The following MPC2 variants were observed in gnomAD, a reference collection of about 807,000 sequenced individuals.
MPC2 encodes mitochondrial pyruvate carrier 2.
In MPC2, 19 loss-of-function variants were observed where a neutral mutation model predicts 19.2. The observed-to-expected ratio is 0.99, with a 90% CI of 0.69 to 1.45. MPC2 has a LOEUF of 1.45. Ranked by LOEUF, MPC2 falls within the 40% of genes most tolerant of loss-of-function variation. MPC2 has a pLI of 0.00. For synonymous variants in MPC2, 61 were observed against 54.3 expected (o/e 1.12, Z -0.54); for missense variants, 122 against 153.0 (o/e 0.80, Z 1.07).
intron 2 of MPC2, among the ~76,000 whole-genome samples, chr1:167,925,654 C>A (rs1422967355): frequency 2.7e-5 from 4 of 149,258 alleles, no homozygotes. Context: ...TCAAGTGATT[C>A]TCTTGCCTTA....
intron 5 of MPC2, among the ~76,000 whole-genome samples, chr1:167,918,768 T>A (rs1410225473): frequency 1.3e-5 from 2 of 151,970 alleles, no homozygotes; most frequent in African/African-American, 2.4e-5. Context: ...TAATTTTTTG[T>A]ATTTTTAGTA....
chr1:167,918,917 C>A (rs926493101), intron 5 of MPC2, among the ~76,000 whole-genome samples: 4 of 152,016 alleles, frequency 2.6e-5, no homozygotes, highest in African/African-American at 9.7e-5. Context: ...AACAGCTTAG[C>A]TGACATATAG....
chr1:167,923,695 C>T (rs1301665547), intron 3 of MPC2, among the ~76,000 whole-genome samples: 1 of 149,738 alleles, frequency 6.7e-6, no homozygotes, highest in African/African-American at 2.5e-5. Flanking sequence ...TGTATTTTAC[C>T]ACATTAAAAA....
intron 2 of MPC2, among the ~76,000 whole-genome samples, chr1:167,928,833 CT>C (rs1322747441): frequency 6.6e-6 from 1 of 152,154 alleles, no homozygotes; most frequent in Non-Finnish European, 1.5e-5. Context: ...AATGAAATAA[CT>C]TGATTAGGTG....
In MPC2 at chr1:167,936,928, C is replaced by T; in HGVS notation, c.-58+11G>A. The T allele has an allele frequency of 5.0e-6, 8 of 1,607,256 alleles. No individual in the cohort carries two copies. The highest frequency in any genetic ancestry group is 6.8e-6 in the Non-Finnish European group (8 of 1,177,878). On this transcript the variant is annotated intron_variant, in intron 1 of 5. Transcript: ENST00000271373. ...GGCAGAGCCATGTCTCGGGGTGGCTCCTACCCACACCTGTTGTGGGACGTG... is the reference window on the plus strand; with the variant it reads ...GGCAGAGCCATGTCTCGGGGTGGCTTCTACCCACACCTGTTGTGGGACGTG...
intron 3 of MPC2, among the ~76,000 whole-genome samples, chr1:167,923,355 C>T (rs1019070143): frequency 6.6e-6 from 1 of 151,996 alleles, no homozygotes; most frequent in Non-Finnish European, 1.5e-5. Context: ...CAATGGAATG[C>T]TATTCAGCAT....
chr1:167,925,722 T>G (rs1164725394), intron 2 of MPC2, among the ~76,000 whole-genome samples: 1 of 151,716 alleles, frequency 6.6e-6, no homozygotes, highest in Non-Finnish European at 1.5e-5. Context: ...AATTTTTTTG[T>G]ATCTTTAATA....
intron 2 of MPC2, among the ~76,000 whole-genome samples, chr1:167,925,480 T>TATACAC (rs1287063918): frequency 7.4e-6 from 1 of 134,898 alleles, no homozygotes; most frequent in African/African-American, 2.8e-5. Flanking sequence ...TATATACATA[T>TATACAC]ACATATACAC....
At chr1:167,920,169 T>C in intron 4 of MPC2, 79 bp from the exon 5 acceptor site, 1 of 870,726 alleles carries the variant, frequency 1.1e-6, no homozygotes, top group South Asian at 1.7e-5. Context: ...TTGAGTAAAG[T>C]AATTACAACA....
intron 2 of MPC2, among the ~76,000 whole-genome samples, chr1:167,931,728 T>C (rs1371810478): frequency 6.6e-6 from 1 of 152,094 alleles, no homozygotes; most frequent in Non-Finnish European, 1.5e-5. Context: ...AATAGAACAA[T>C]ATATATTTGC....
intron 1 of MPC2, chr1:167,936,145 T>A (rs1044731715): frequency 2.9e-6 from 1 of 348,802 alleles, no homozygotes; most frequent in Non-Finnish European, 5.4e-6. Flanking sequence ...AAGTCTGCGC[T>A]GCGCCCTGCT....
chr1:167,919,989 G>T lies in MPC2; in HGVS notation c.337C>A (p.Arg113Ser). 6.2e-7 allele frequency: 1 copy of T among 1,609,720 alleles called. No homozygotes were observed. Among genetic ancestry groups the T allele is most frequent in the Non-Finnish European group, 8.5e-7 (1 of 1,178,246 alleles). ...VGAAGASQLF[R>S]IWRYNQELKA... ...CTCTGGTAGGCTTACCTCCAAATAC[G>T]AAAAAGCTGAGAGGCTCCTGCTGCC... The change falls in exon 5 of 6, where the codon CGT (arginine) becomes AGT (serine). Residue 113 changes from arginine (R) to serine (S), a missense_variant. Arg to Ser is a moderately radical substitution (Grantham distance 110, BLOSUM62 -1). Transcript: ENST00000271373.
intron 1 of MPC2, 78 bp downstream of exon 1, chr1:167,936,861 C>CAACCCA: frequency 6.2e-6 from 9 of 1,442,162 alleles, no homozygotes; most frequent in Non-Finnish European, 8.6e-6. Flanking sequence ...CCTCCCCCTC[C>CAACCCA]TCCCCTCCCC....
chr1:167,925,555 G>GT (rs1366544117), intron 2 of MPC2, among the ~76,000 whole-genome samples: 48 of 49,704 alleles, frequency 9.7e-4, no homozygotes, highest in East Asian at 2.6e-3. Flanking sequence ...GGTTTTTTTT[G>GT]TTTTTTTTTG....
chr1:167,925,461 A>G (rs1165674009), intron 2 of MPC2, among the ~76,000 whole-genome samples: 5 of 114,286 alleles, frequency 4.4e-5, no homozygotes, highest in African/African-American at 2.0e-4. Context: ...ATATATATAT[A>G]TATATATATA....
chr1:167,930,568 C>T (rs1311699997), intron 2 of MPC2, among the ~76,000 whole-genome samples: 1 of 152,070 alleles, frequency 6.6e-6, no homozygotes, highest in Non-Finnish European at 1.5e-5. Context: ...AAGAGAATAC[C>T]AAATTATAGA....
intron 3 of MPC2, among the ~76,000 whole-genome samples, chr1:167,923,126 T>C (rs771473745): frequency 1.3e-5 from 2 of 152,204 alleles, no homozygotes; most frequent in Non-Finnish European, 2.9e-5. Flanking sequence ...TGTAAAATAA[T>C]GTAGTTGCTG....
chr1:167,926,997 A>T (rs1571513591), intron 2 of MPC2, among the ~76,000 whole-genome samples: 1 of 152,290 alleles, frequency 6.6e-6, no homozygotes, highest in East Asian at 1.9e-4. Flanking sequence ...TAAAATGATT[A>T]TTTATGCATC....
chr1:167,926,068 G>A lies in MPC2; in HGVS notation c.110-1531C>T, dbSNP rs537810110. On this transcript the variant is annotated intron_variant, in intron 2 of 5. Coordinates refer to ENST00000271373, the MANE Select transcript of MPC2 (RefSeq NM_001143674.4). ...CTTCAAACACTAGAAAGAAGATCACGGCACAAACCCTGTGGTTCCTTGTGG... is the reference window on the plus strand; with the variant it reads ...CTTCAAACACTAGAAAGAAGATCACAGCACAAACCCTGTGGTTCCTTGTGG... Among the ~76,000 whole-genome samples, 18 of 152,256 alleles carry A rather than the reference G, an allele frequency of 1.2e-4. No homozygotes were observed. The South Asian group carries it at 3.1e-3, about 26-fold the overall frequency.
Sources: gnomAD v4.1 joint callset for allele counts (sites outside exome capture counted in the v4.1 genomes callset) on GRCh38, gnomAD v4.1.1 for gene constraint, MANE v1.5 for transcripts, NCBI Gene and HGNC (gene_info 2026-07-23, HGNC 2026-07-21) for gene names.